The following EXOC4 variants were observed in gnomAD, a reference collection of about 807,000 sequenced individuals.
EXOC4 encodes the protein SEC8-like 1.
In EXOC4, 71 loss-of-function variants were observed where a neutral mutation model predicts 107.2. That is an observed-to-expected ratio of 0.66 (90% CI 0.55 to 0.81). The LOEUF is 0.81. EXOC4 is among the 30% of genes least tolerant of loss of function. The pLI is 0.00. For synonymous variants in EXOC4, 456 were observed against 441.2 expected (o/e 1.03, Z -0.42); for missense variants, 1,108 against 1,189.6 (o/e 0.93, Z 1.01).
At chr7:134,068,006 T>A (rs1305984731), downstream of EXOC4, among the ~76,000 whole-genome samples, 2 of 152,198 alleles carry the variant, frequency 1.3e-5, no homozygotes, top group East Asian at 3.9e-4. Context: ...TCTTGCTGGT[T>A]AAGGACAAGT....
intron 10 of EXOC4, among the ~76,000 whole-genome samples, chr7:133,662,369 GAGA>G (rs1201333664): frequency 1.3e-5 from 2 of 152,124 alleles, no homozygotes; most frequent in Non-Finnish European, 2.9e-5. Context: ...GTATTATTTA[GAGA>G]AGAAGAGAGT....
chr7:133,625,789 C>T (rs548303299), intron 9 of EXOC4, among the ~76,000 whole-genome samples: 21 of 152,176 alleles, frequency 1.4e-4, no homozygotes, highest in Admixed American at 2.6e-4. Context: ...CATCATCATT[C>T]GACATTTTCT....
chr7:133,759,144 A>AT (rs34768347), intron 10 of EXOC4, among the ~76,000 whole-genome samples: 48,184 of 140,624 alleles, frequency 0.34, 8,263 homozygotes, highest in South Asian at 0.44. Context: ...CAACAAAAGA[A>AT]TTTTTTTTTT....
chr7:134,010,733 CGT>C (rs1317704363), intron 17 of EXOC4, among the ~76,000 whole-genome samples: 2 of 152,142 alleles, frequency 1.3e-5, no homozygotes, highest in Admixed American at 6.5e-5. Flanking sequence ...CACTAGTTGC[CGT>C]GTGTCAGAAA....
chr7:133,355,257 C>G (rs1795996892), intron 5 of EXOC4, among the ~76,000 whole-genome samples: 2 of 151,242 alleles, frequency 1.3e-5, no homozygotes, highest in Non-Finnish European at 3.0e-5. Context: ...TAAAATCTTG[C>G]ATTTGTTTTG....
intron 7 of EXOC4, among the ~76,000 whole-genome samples, chr7:133,405,965 G>A (rs959513043): frequency 1.3e-5 from 2 of 152,164 alleles, no homozygotes; most frequent in African/African-American, 4.8e-5. Flanking sequence ...GCCAGACACT[G>A]TGTTAGGTGC....
At chr7:134,080,593 T>A in the EXOC4 span, among the ~76,000 whole-genome samples, 1 of 151,920 alleles carries the variant, frequency 6.6e-6, no homozygotes, top group Non-Finnish European at 1.5e-5. Context: ...GGTAGTGGCT[T>A]CAACTAGGGT....
intron 9 of EXOC4, among the ~76,000 whole-genome samples, chr7:133,596,836 C>T (rs947587420): frequency 4.6e-5 from 7 of 152,290 alleles, no homozygotes; most frequent in Admixed American, 2.0e-4. Flanking sequence ...TGAGCCTTTA[C>T]GGGAAGACCC....
At chr7:133,307,777 G>A (rs1794786206) in intron 4 of EXOC4, among the ~76,000 whole-genome samples, 1 of 152,132 alleles carries the variant, frequency 6.6e-6, no homozygotes, top group African/African-American at 2.4e-5. Context: ...GTGGCCTTTC[G>A]TGCCACTGCC....
intron 9 of EXOC4, among the ~76,000 whole-genome samples, chr7:133,537,296 A>ACCCCCCCCCC (rs373040586): frequency 2.3e-5 from 3 of 128,060 alleles, no homozygotes; most frequent in African/African-American, 9.5e-5. Flanking sequence ...GATTACAGGC[A>ACCCCCCCCCC]CCCCCCCCCC....
intron 17 of EXOC4, among the ~76,000 whole-genome samples, chr7:134,062,498 T>C (rs1796087334): frequency 6.6e-6 from 1 of 152,124 alleles, no homozygotes; most frequent in African/African-American, 2.4e-5. Context: ...CGGCCCTGAG[T>C]CTAATAATAC....
At chr7:133,516,758 A>ATTTTTTTTTTTTTTTTTTTTT (rs780319592) in intron 9 of EXOC4, among the ~76,000 whole-genome samples, 2,496 of 48,974 alleles carry the variant, frequency 0.051, 809 homozygotes, top group Middle Eastern at 0.14. Context: ...CTAGCTGCTC[A>ATTTTTTTTTTTTTTTTTTTTT]TTTTTTTTTT....
intron 7 of EXOC4, among the ~76,000 whole-genome samples, chr7:133,396,716 G>C (rs6949831): frequency 0.84 from 128,157 of 152,124 alleles, 54,251 homozygotes; most frequent in East Asian, 0.95. Context: ...CACTTGATTC[G>C]TTAGATGACT....
chr7:133,808,200 C>T (rs1797125331), intron 10 of EXOC4, among the ~76,000 whole-genome samples: 1 of 152,166 alleles, frequency 6.6e-6, no homozygotes, highest in Admixed American at 6.5e-5. Flanking sequence ...ACAAAAGGCA[C>T]AGATAGTAGT....
intron 11 of EXOC4, among the ~76,000 whole-genome samples, chr7:133,827,198 T>C (rs1300341628): frequency 3.3e-5 from 5 of 152,250 alleles, no homozygotes; most frequent in East Asian, 1.9e-4. Flanking sequence ...TTTATTGATA[T>C]AATATTACAA....
chr7:133,811,128 A>C (rs975563804), intron 10 of EXOC4, among the ~76,000 whole-genome samples: 14 of 152,054 alleles, frequency 9.2e-5, no homozygotes, highest in African/African-American at 3.4e-4. Flanking sequence ...CTCTTTTTCC[A>C]TATACACAGA....
the EXOC4 span, among the ~76,000 whole-genome samples, chr7:134,084,709 T>TAAA: frequency 1.5e-3 from 123 of 83,164 alleles, 1 homozygote; most frequent in Middle Eastern, 6.8e-3. Flanking sequence ...GGTGCAGCCG[T>TAAA]AAAAAAAAAA....
chr7:133,358,879 A>G (rs1341298753), intron 6 of EXOC4, among the ~76,000 whole-genome samples: 1 of 152,110 alleles, frequency 6.6e-6, no homozygotes, highest in Non-Finnish European at 1.5e-5. Context: ...GCCCTGGGAA[A>G]TACTAAATGT....
chr7:133,592,748 AC>A (rs1243108792), intron 9 of EXOC4, among the ~76,000 whole-genome samples: 3 of 152,156 alleles, frequency 2.0e-5, no homozygotes, highest in African/African-American at 7.2e-5. Flanking sequence ...GATTACAGCC[AC>A]GCACCACCAT....
Sources: allele counts gnomAD v4.1 joint callset (sites outside exome capture counted in the v4.1 genomes callset), GRCh38; gene constraint gnomAD v4.1.1; transcripts MANE v1.5; gene names NCBI Gene and HGNC (gene_info 2026-07-23, HGNC 2026-07-21).